Variants in CDK14 observed in about 807,000 individuals in gnomAD.
CDK14 encodes cyclin dependent kinase 14.
A neutral mutation model predicts 60.7 loss-of-function variants in CDK14; 34 were observed. That is an observed-to-expected ratio of 0.56 (90% CI 0.43 to 0.75). The LOEUF (loss-of-function observed/expected upper bound fraction) is 0.75, where lower values mean the gene tolerates loss of function less well. Ranked by LOEUF, CDK14 falls within the 30% of genes least tolerant of loss-of-function variation. The pLI, the probability that CDK14 is intolerant of heterozygous loss-of-function variation, is 0.00. For synonymous variants in CDK14, 197 were observed against 203.7 expected, an observed-to-expected ratio of 0.97 and a Z score of 0.28; for missense variants, 482 against 564.1, an observed-to-expected ratio of 0.85 and a Z score of 1.47.
intron 12 of CDK14, among the ~76,000 whole-genome samples, chr7:91,108,221 C>T (rs561632196): frequency 1.3e-5 from 2 of 152,156 alleles, no homozygotes; most frequent in East Asian, 1.9e-4. Flanking sequence ...GCGTGAGAAT[C>T]GCTTGAACCT....
chr7:91,019,287 G>A (rs896563274), intron 10 of CDK14, among the ~76,000 whole-genome samples: 1 of 152,078 alleles, frequency 6.6e-6, no homozygotes, highest in African/African-American at 2.4e-5. Flanking sequence ...TTCAACTAAT[G>A]GCTTCCTGGG....
intron 3 of CDK14, among the ~76,000 whole-genome samples, chr7:90,746,561 T>C (rs1371011894): frequency 6.6e-6 from 1 of 152,252 alleles, no homozygotes; most frequent in Non-Finnish European, 1.5e-5. Flanking sequence ...ATATTTTTCA[T>C]TCCTTATATA....
intron 6 of CDK14, among the ~76,000 whole-genome samples, chr7:90,897,876 A>G (rs897383631): frequency 6.6e-6 from 1 of 152,050 alleles, no homozygotes; most frequent in Non-Finnish European, 1.5e-5. Flanking sequence ...TGGACCAGAG[A>G]GAGAATAATT....
At chr7:91,102,014 T>C (rs1168309963) in intron 12 of CDK14, among the ~76,000 whole-genome samples, 1 of 152,230 alleles carries the variant, frequency 6.6e-6, no homozygotes, top group South Asian at 2.1e-4. Flanking sequence ...TGTTCAGTAG[T>C]TAAGGAAAAC....
At chr7:90,791,900 C>CT (rs1372760207) in intron 5 of CDK14, among the ~76,000 whole-genome samples, 2 of 48,398 alleles carry the variant, frequency 4.1e-5, no homozygotes, top group East Asian at 1.0e-3. Flanking sequence ...CAGGAAAGGG[C>CT]TTCTTTTTTT....
intron 3 of CDK14, among the ~76,000 whole-genome samples, chr7:90,744,055 G>A (rs1012795573): frequency 2.5e-4 from 38 of 151,396 alleles, no homozygotes; most frequent in African/African-American, 8.3e-4. Context: ...GGTGTTTCTC[G>A]CAGAGGGGGA....
intron 2 of CDK14, among the ~76,000 whole-genome samples, chr7:90,663,353 C>T (rs975248941): frequency 3.3e-5 from 5 of 152,200 alleles, no homozygotes; most frequent in African/African-American, 4.8e-5. Flanking sequence ...CGGAGGGTGT[C>T]GTAGATACTT....
chr7:90,679,949 T>C (rs1801282224), intron 2 of CDK14, among the ~76,000 whole-genome samples: 1 of 152,226 alleles, frequency 6.6e-6, no homozygotes, highest in South Asian at 2.1e-4. Context: ...CGGAGACTAT[T>C]GTCTTCATTA....
At chr7:90,698,424 GT>G (rs1345831754) in intron 2 of CDK14, among the ~76,000 whole-genome samples, 1 of 152,128 alleles carries the variant, frequency 6.6e-6, no homozygotes, top group Non-Finnish European at 1.5e-5. Context: ...ATGGTGGTGG[GT>G]TTTTCTGACT....
intron 2 of CDK14, among the ~76,000 whole-genome samples, chr7:90,616,500 C>T (rs1271049830): frequency 6.6e-6 from 1 of 152,120 alleles, no homozygotes; most frequent in East Asian, 1.9e-4. Context: ...TTTAATCTTA[C>T]AAATGAGCAT....
chr7:91,201,702 G>A (rs1802734831), intron 14 of CDK14, among the ~76,000 whole-genome samples: 1 of 152,170 alleles, frequency 6.6e-6, no homozygotes, highest in Non-Finnish European at 1.5e-5. Flanking sequence ...GTGTGTGTGT[G>A]TATGTACACA....
intron 5 of CDK14, among the ~76,000 whole-genome samples, chr7:90,804,463 T>A: frequency 6.6e-6 from 1 of 152,138 alleles, no homozygotes; most frequent in Non-Finnish European, 1.5e-5. Context: ...TTAACATGAA[T>A]TGCTTAAAGC....
At chr7:90,762,363 C>T (rs79457292) in intron 4 of CDK14, among the ~76,000 whole-genome samples, 1 of 152,268 alleles carries the variant, frequency 6.6e-6, no homozygotes, top group East Asian at 1.9e-4. Context: ...GGCACCCTCC[C>T]TCAAGTTGTA....
intron 10 of CDK14, among the ~76,000 whole-genome samples, chr7:91,043,397 C>G (rs1429535464): frequency 6.6e-6 from 1 of 152,218 alleles, no homozygotes; most frequent in African/African-American, 2.4e-5. Context: ...GACATTTCCT[C>G]CCTTTGTTGC....
intron 6 of CDK14, among the ~76,000 whole-genome samples, chr7:90,887,874 A>G (rs1437862908): frequency 1.3e-5 from 2 of 152,186 alleles, no homozygotes; most frequent in Non-Finnish European, 2.9e-5. Context: ...CCTTATAGTC[A>G]TAAGTAAACT....
intron 8 of CDK14, among the ~76,000 whole-genome samples, chr7:90,923,331 G>C (rs144109528): frequency 1.2e-4 from 18 of 152,062 alleles, no homozygotes; most frequent in Admixed American, 5.9e-4. Flanking sequence ...GAATGGTCTC[G>C]ATCTCCTGAC....
At chr7:90,837,193 G>A (rs143524489) in intron 5 of CDK14, among the ~76,000 whole-genome samples, 42 of 152,164 alleles carry the variant, frequency 2.8e-4, no homozygotes, top group African/African-American at 9.6e-4. Flanking sequence ...ACATGCAAAG[G>A]TTGTATAAGA....
At chr7:91,202,049 A>C (rs1345135216) in intron 14 of CDK14, among the ~76,000 whole-genome samples, 2 of 152,008 alleles carry the variant, frequency 1.3e-5, no homozygotes, top group African/African-American at 4.8e-5. Context: ...TAAAAATCCT[A>C]CCAGGCAGAC....
At position 90,930,800 on chromosome 7, in the gene CDK14, A is replaced by T. The variant is rs189495266; in HGVS notation, c.826+13076A>T. 2.4e-4 allele frequency among the ~76,000 whole-genome samples: 36 copies of T among 152,252 alleles called. No individual in the cohort carries two copies. In the East Asian group the frequency reaches 6.6e-3, roughly 28 times the overall value. On this transcript the variant is annotated intron_variant, in intron 8 of 14. Transcript: ENST00000380050. ...TTGTTTTATCCTTATAATCCTGTGG[A>T]GTAGAGAGTGCAGGTCTCATTACCC...
Sources: gnomAD v4.1 joint callset for allele counts (sites outside exome capture counted in the v4.1 genomes callset) on GRCh38, gnomAD v4.1.1 for gene constraint, MANE v1.5 for transcripts, NCBI Gene and HGNC (gene_info 2026-07-23, HGNC 2026-07-21) for gene names.